Variants in MCTP1 observed in about 807,000 individuals in gnomAD.
MCTP1 encodes the protein multiple C2 and transmembrane domain containing 1.
Under a neutral mutation model 120.6 loss-of-function variants are expected in MCTP1, and 69 were observed. The observed-to-expected ratio is 0.57, with a 90% CI of 0.47 to 0.70. The LOEUF is 0.70. Ranked by LOEUF, MCTP1 falls within the 30% of genes least tolerant of loss-of-function variation. The pLI is 0.00. For missense variants in MCTP1, 1,203 were observed against 1,248.8 expected (o/e 0.96, Z 0.55); for synonymous variants, 529 against 493.1 (o/e 1.07, Z -0.96).
At chr5:95,179,526 C>T (rs1469997141) in intron 1 of MCTP1, among the ~76,000 whole-genome samples, 1 of 152,120 alleles carries the variant, frequency 6.6e-6, no homozygotes, top group East Asian at 1.9e-4. Context: ...CCTATTTTAG[C>T]CTCCTTAAAC....
At chr5:94,973,460 C>G (rs553138550) in intron 2 of MCTP1, among the ~76,000 whole-genome samples, 2 of 152,146 alleles carry the variant, frequency 1.3e-5, no homozygotes, top group East Asian at 1.9e-4. Flanking sequence ...TTGGTTACAC[C>G]CACTCAGTGA....
intron 2 of MCTP1, among the ~76,000 whole-genome samples, chr5:94,953,676 C>T (rs1359525871): frequency 2.0e-5 from 3 of 149,896 alleles, no homozygotes; most frequent in Non-Finnish European, 4.4e-5. Flanking sequence ...AAAAAGATAC[C>T]TGACTCAAAT....
chr5:95,075,428 A>G (rs1245895508), intron 1 of MCTP1, among the ~76,000 whole-genome samples: 4 of 152,178 alleles, frequency 2.6e-5, no homozygotes, highest in Admixed American at 2.0e-4. Flanking sequence ...CTTCTCCTTA[A>G]TTTTGGTTTA....
At chr5:95,061,074 T>C (rs1238897589) in intron 1 of MCTP1, among the ~76,000 whole-genome samples, 1 of 151,426 alleles carries the variant, frequency 6.6e-6, no homozygotes, top group East Asian at 1.9e-4. Flanking sequence ...TTGTTGGTCC[T>C]TCTCAGCATC....
chr5:95,055,758 T>C (rs1003230002), intron 1 of MCTP1, among the ~76,000 whole-genome samples: 10 of 152,210 alleles, frequency 6.6e-5, no homozygotes, highest in Non-Finnish European at 8.8e-5. Flanking sequence ...ACAGGCTTAA[T>C]ATCATTAGGC....
chr5:94,888,777 T>G, intron 12 of MCTP1, 102 bp downstream of exon 12: 1 of 649,754 alleles, frequency 1.5e-6, no homozygotes, highest in Non-Finnish European at 2.7e-6. Flanking sequence ...AAATTATTTA[T>G]TTTGATGATC....
intron 1 of MCTP1, among the ~76,000 whole-genome samples, chr5:95,281,475 T>C (rs572529203): frequency 1.3e-5 from 2 of 152,302 alleles, no homozygotes; most frequent in East Asian, 3.9e-4. Context: ...TGTGACTCAT[T>C]ACAGAGAAAT....
Position 95,232,165 on chromosome 5 carries a change from A to T in MCTP1, c.720+51691T>A, listed in dbSNP as rs187931981. On this transcript the variant is annotated intron_variant, in intron 1 of 22. Transcript: ENST00000515393. ...AATAACTAAAGTGATCACTAAAAAA[A>T]AAAAAAAAAAAACAGTCATAGCTAA... Among the ~76,000 whole-genome samples, 833 of 151,590 alleles carry T rather than the reference A, an allele frequency of 5.5e-3. 5 individuals carry two copies. Among genetic ancestry groups the T allele is most frequent in the African/African-American group, 0.02 (809 of 41,400 alleles).
At chr5:95,128,991 A>T (rs556479941) in intron 1 of MCTP1, among the ~76,000 whole-genome samples, 1 of 152,346 alleles carries the variant, frequency 6.6e-6, no homozygotes, top group Non-Finnish European at 1.5e-5. Context: ...AGAAAAAAAT[A>T]ACTGGAAAAG....
chr5:94,909,472 G>GT (rs1807877954), intron 9 of MCTP1, 91 bp from the exon 10 acceptor site: 7 of 1,327,356 alleles, frequency 5.3e-6, no homozygotes, highest in Non-Finnish European at 6.2e-6. Context: ...TGGTACTATA[G>GT]TATCTAGAAA....
intron 1 of MCTP1, among the ~76,000 whole-genome samples, chr5:95,201,941 A>G (rs1363296211): frequency 6.6e-6 from 1 of 152,112 alleles, no homozygotes; most frequent in African/African-American, 2.4e-5. Context: ...TGGTATGGGG[A>G]TGAGAAATTT....
In MCTP1 at chr5:94,916,256, C is replaced by T. The variant is rs552547837; in HGVS notation, c.1350+1640G>A. On this transcript the variant is annotated intron_variant, in intron 8 of 22. Transcript: ENST00000515393. ...AGATATAAACATAGGCTACCAACAG[C>T]AGAAAAGATAAGCATGTAACATAAA... Among the ~76,000 whole-genome samples the T allele has an allele frequency of 1.3e-3, 205 of 152,262 alleles. 1 individual carries two copies. Among genetic ancestry groups the T allele is most frequent in the Non-Finnish European group, 2.0e-3 (135 of 68,014 alleles).
chr5:95,112,716 TAAG>T (rs952173774), intron 1 of MCTP1, among the ~76,000 whole-genome samples: 3 of 152,206 alleles, frequency 2.0e-5, no homozygotes, highest in African/African-American at 7.2e-5. Context: ...GCAAAAATTT[TAAG>T]AAGTATTTTA....
At chr5:94,916,591 T>C (rs1810125859) in intron 8 of MCTP1, among the ~76,000 whole-genome samples, 1 of 152,210 alleles carries the variant, frequency 6.6e-6, no homozygotes, top group Non-Finnish European at 1.5e-5. Flanking sequence ...ATGGGCAGAA[T>C]ACCACGGCAA....
At chr5:95,260,324 T>C (rs1317293122) in intron 1 of MCTP1, among the ~76,000 whole-genome samples, 2 of 152,180 alleles carry the variant, frequency 1.3e-5, no homozygotes, top group Admixed American at 6.5e-5. Context: ...TCTATTCCTA[T>C]ATGTTAGTTA....
intron 2 of MCTP1, among the ~76,000 whole-genome samples, chr5:95,016,642 G>A (rs1837166519): frequency 1.3e-5 from 2 of 151,884 alleles, no homozygotes; most frequent in African/African-American, 4.8e-5. Context: ...TTTGGAATTG[G>A]GGGCTCTCAG....
rs781509054 is a variant in MCTP1 at position 94,749,512 on chromosome 5, G to T, written c.2610+29598C>A. ...TCTACTAAAAATACAAAAATTAGCC[G>T]GGCATGCTGGCATGTGCCTGTAATC... On this transcript the variant is annotated intron_variant, in intron 19 of 22. Transcript: ENST00000515393. 2.6e-5 allele frequency among the ~76,000 whole-genome samples: 4 copies of T among 151,904 alleles called. No individual in the cohort carries two copies. The East Asian group carries it at 7.7e-4, about 29-fold the overall frequency.
At chr5:95,256,411 C>T (rs1342158776) in intron 1 of MCTP1, among the ~76,000 whole-genome samples, 1 of 152,184 alleles carries the variant, frequency 6.6e-6, no homozygotes, top group African/African-American at 2.4e-5. Flanking sequence ...TCTCTGTCAG[C>T]AAGCATCCAA....
Position 94,940,164 on chromosome 5 carries a change from G to C in MCTP1, c.1093C>G (p.Pro365Ala). The C allele has an allele frequency of 6.2e-7, 1 of 1,606,930 alleles. No homozygotes were observed. Among genetic ancestry groups the C allele is most frequent in the Non-Finnish European group, 8.5e-7 (1 of 1,175,358 alleles). The part of the protein sequence containing the change: ...PTDVTLTLKD[P>A]HYPDHDLGII... Reference sequence around the variant, plus strand: ...CCAAGATCATGGTCAGGATAATGAGGATCTTTCAGAGTAAGGGTCACATCT... The same window carrying C: ...CCAAGATCATGGTCAGGATAATGAGCATCTTTCAGAGTAAGGGTCACATCT... Residue 365 changes from proline to alanine, a missense_variant, in exon 5 of 23, where the codon CCT (proline) becomes GCT (alanine). By Grantham distance (27) the Pro-to-Ala change is conservative. Transcript: ENST00000515393.
Sources: allele counts gnomAD v4.1 joint callset (sites outside exome capture counted in the v4.1 genomes callset), GRCh38; gene constraint gnomAD v4.1.1; transcripts MANE v1.5; gene names NCBI Gene and HGNC (gene_info 2026-07-23, HGNC 2026-07-21).